BID: variants seen among roughly 807,000 people sequenced by gnomAD.
BID encodes BH3-interacting domain death agonist.
Under a neutral mutation model 17.4 loss-of-function variants are expected in BID, and 19 were observed. The ratio of observed to expected loss-of-function variants is 1.09; its 90% confidence interval spans 0.76 to 1.60. The LOEUF (loss-of-function observed/expected upper bound fraction) is 1.60. Ranked by LOEUF, BID falls within the 40% of genes most tolerant of loss-of-function variation. The pLI is 0.00. For missense variants in BID, 226 were observed against 256.0 expected (o/e 0.88, Z 0.80); for synonymous variants, 108 against 102.8 (o/e 1.05, Z -0.31).
intron 1 of BID, among the ~76,000 whole-genome samples, chr22:17,755,813 A>G (rs1056630731): frequency 6.6e-6 from 1 of 151,770 alleles, no homozygotes; most frequent in Non-Finnish European, 1.5e-5. Flanking sequence ...AAAAAAAAAA[A>G]AAGAAAAGAA....
chr22:17,768,332 T>A (rs535661678), intron 1 of BID, among the ~76,000 whole-genome samples: 3 of 152,192 alleles, frequency 2.0e-5, no homozygotes, highest in Non-Finnish European at 4.4e-5. Context: ...CCTCTTCAGG[T>A]GACTGGGGCC....
intron 2 of BID, among the ~76,000 whole-genome samples, chr22:17,745,734 G>A (rs1169302255): frequency 6.6e-6 from 1 of 152,080 alleles, no homozygotes. Context: ...TTGGGAGGCC[G>A]AGGCGGGCGG....
At chr22:17,759,635 T>C (rs1297945622) in intron 1 of BID, among the ~76,000 whole-genome samples, 1 of 152,098 alleles carries the variant, frequency 6.6e-6, no homozygotes, top group Non-Finnish European at 1.5e-5. Context: ...GTGGGAGGAC[T>C]GCTTGAAAGC....
At chr22:17,747,750 G>A (rs1384222465) in intron 2 of BID, among the ~76,000 whole-genome samples, 1 of 152,328 alleles carries the variant, frequency 6.6e-6, no homozygotes, top group East Asian at 1.9e-4. Flanking sequence ...TCTAATGGAG[G>A]CAAAAATAAT....
intron 4 of BID, 66 bp from the exon 5 acceptor site, chr22:17,738,295 C>G: frequency 6.8e-7 from 1 of 1,470,018 alleles, no homozygotes. Flanking sequence ...AAGACAGTCC[C>G]CAGTATGAAG....
Position 17,757,627 on chromosome 22 carries a change from T to G in BID, c.-58-7453A>C, listed in dbSNP as rs144008539. Among the ~76,000 whole-genome samples the G allele has an allele frequency of 8.9e-3, 1,293 of 145,022 alleles. 36 individuals are homozygous for G. Among genetic ancestry groups the G allele is most frequent in the Admixed American group, 0.054 (767 of 14,250 alleles). ...GGGAGGCTGAGGCAGGAGAATGGAG[T>G]GAACCCGGGAGGCGGAGCTTGCAGT... On this transcript the variant is annotated intron_variant, in intron 1 of 5. Transcript: ENST00000622694.
chr22:17,766,282 CTTTTTTT>C (rs71201884), intron 1 of BID, among the ~76,000 whole-genome samples: 1 of 135,152 alleles, frequency 7.4e-6, no homozygotes, highest in Admixed American at 7.5e-5. Flanking sequence ...TTCTTTCTTT[CTTTTTTT>C]TTTTTTTTTT....
chr22:17,743,629 T>C (rs1601841911), intron 3 of BID, among the ~76,000 whole-genome samples, 174 bp downstream of exon 3: 2 of 152,276 alleles, frequency 1.3e-5, no homozygotes, highest in African/African-American at 2.4e-5. Context: ...TCAGCAGCAC[T>C]GGAGGGAATC....
At chr22:17,758,491 C>T (rs1313761765) in intron 1 of BID, among the ~76,000 whole-genome samples, 1 of 152,248 alleles carries the variant, frequency 6.6e-6, no homozygotes, top group Non-Finnish European at 1.5e-5. Flanking sequence ...GCCTGGAACA[C>T]ACATTTGCAC....
At chr22:17,748,763 G>A (rs1171844255) in intron 2 of BID, among the ~76,000 whole-genome samples, 1 of 152,194 alleles carries the variant, frequency 6.6e-6, no homozygotes, top group East Asian at 1.9e-4. Context: ...GCCTCCTCCG[G>A]CGAGTCAGGG....
chr22:17,743,693 C>T (rs2061475972), intron 3 of BID, 110 bp downstream of exon 3: 2 of 1,165,138 alleles, frequency 1.7e-6, no homozygotes. Context: ...GCAGCTGAAA[C>T]TGCAGAGGCA....
At chr22:17,762,887 GT>G (rs1475285168) in intron 1 of BID, among the ~76,000 whole-genome samples, 1 of 151,554 alleles carries the variant, frequency 6.6e-6, no homozygotes, top group Non-Finnish European at 1.5e-5. Flanking sequence ...TTGTTTGTTT[GT>G]TTTTTTAAGA....
chr22:17,754,922 A>T (rs2061570331), intron 1 of BID, among the ~76,000 whole-genome samples: 2 of 150,522 alleles, frequency 1.3e-5, no homozygotes, highest in Non-Finnish European at 3.0e-5. Flanking sequence ...GTGCCACCAC[A>T]CCCGGCTAAT....
At chr22:17,751,348 C>T (rs1443062692) in intron 1 of BID, among the ~76,000 whole-genome samples, 15 of 150,368 alleles carry the variant, frequency 1.0e-4, no homozygotes, top group African/African-American at 3.4e-4. Context: ...GTCCGCAGTC[C>T]GACCTGGGCG....
chr22:17,747,768 G>A (rs896427039), intron 2 of BID, among the ~76,000 whole-genome samples: 3 of 152,210 alleles, frequency 2.0e-5, no homozygotes, highest in Non-Finnish European at 2.9e-5. Context: ...AATAAGATCA[G>A]TTCCAGTGGA....
intron 1 of BID, among the ~76,000 whole-genome samples, chr22:17,751,251 A>G (rs969964552): frequency 7.2e-5 from 11 of 151,770 alleles, no homozygotes; most frequent in Non-Finnish European, 1.5e-4. Context: ...GGGCGCCTGT[A>G]GTCCCAGCTA....
intron 1 of BID, among the ~76,000 whole-genome samples, chr22:17,763,096 C>G (rs1439558324): frequency 6.6e-6 from 1 of 152,066 alleles, no homozygotes; most frequent in Admixed American, 6.6e-5. Flanking sequence ...TGGCTGGTCT[C>G]AAACTCCTGA....
chr22:17,738,324 A>G, intron 4 of BID, 95 bp from the exon 5 acceptor site: 1 of 1,180,116 alleles, frequency 8.5e-7, no homozygotes, highest in Non-Finnish European at 1.2e-6. Flanking sequence ...CAAAGTACTT[A>G]TTAAGTATCC....
intron 1 of BID, among the ~76,000 whole-genome samples, chr22:17,762,025 A>G (rs1030524418): frequency 6.6e-6 from 1 of 152,040 alleles, no homozygotes; most frequent in African/African-American, 2.4e-5. Context: ...AGCTTCCATA[A>G]CACAGTTTCT....
Sources: gnomAD v4.1 joint callset for allele counts (sites outside exome capture counted in the v4.1 genomes callset) on GRCh38, gnomAD v4.1.1 for gene constraint, MANE v1.5 for transcripts, NCBI Gene and HGNC (gene_info 2026-07-23, HGNC 2026-07-21) for gene names.